The following CDH9 variants were observed in gnomAD, a reference collection of about 807,000 sequenced individuals.
CDH9 encodes the protein cadherin-9.
Under a neutral mutation model 70.9 loss-of-function variants are expected in CDH9, and 28 were observed. The ratio of observed to expected loss-of-function variants is 0.40; its 90% CI spans 0.29 to 0.54. The LOEUF (loss-of-function observed/expected upper bound fraction) is 0.54. Among genes scored for constraint, CDH9 ranks in the 20% least tolerant of loss-of-function variants. The pLI is 0.59. For synonymous variants in CDH9, 409 were observed against 343.1 expected (o/e 1.19, Z -2.12); for missense variants, 874 against 984.4 (o/e 0.89, Z 1.50).
At chr5:26,924,917 T>C (rs1579454320) in intron 2 of CDH9, among the ~76,000 whole-genome samples, 1 of 152,144 alleles carries the variant, frequency 6.6e-6, no homozygotes, top group South Asian at 2.1e-4. Context: ...TTCCATGGTG[T>C]ATATGTGTCA....
intron 7 of CDH9, among the ~76,000 whole-genome samples, chr5:26,894,474 G>A (rs1740712801): frequency 6.6e-6 from 1 of 152,020 alleles, no homozygotes; most frequent in African/African-American, 2.4e-5. Flanking sequence ...AAGAATTCAT[G>A]AAGGCACTCA....
chr5:27,019,950 T>A (rs1743109356), intron 1 of CDH9, among the ~76,000 whole-genome samples: 1 of 151,872 alleles, frequency 6.6e-6, no homozygotes, highest in Non-Finnish European at 1.5e-5. Context: ...TCTGTGAAAT[T>A]AAATACATTA....
At chr5:26,983,672 G>A (rs1458124049) in intron 2 of CDH9, among the ~76,000 whole-genome samples, 7 of 152,092 alleles carry the variant, frequency 4.6e-5, no homozygotes, top group African/African-American at 1.7e-4. Context: ...ATCAAAAGCA[G>A]CTGCTCCATG....
intron 11 of CDH9, among the ~76,000 whole-genome samples, chr5:26,885,314 C>A (rs1740544831): frequency 6.6e-6 from 1 of 152,026 alleles, no homozygotes; most frequent in Admixed American, 6.6e-5. Context: ...TCAATGAAAT[C>A]AAATGTCCTT....
At chr5:27,016,697 T>C (rs1264341275) in intron 1 of CDH9, among the ~76,000 whole-genome samples, 4 of 151,850 alleles carry the variant, frequency 2.6e-5, no homozygotes, top group African/African-American at 9.7e-5. Context: ...ATTTCTGTTA[T>C]TTTTAGCCAT....
chr5:26,896,073 C>T (rs545202159), intron 7 of CDH9, among the ~76,000 whole-genome samples: 13 of 152,056 alleles, frequency 8.5e-5, no homozygotes, highest in African/African-American at 1.2e-4. Context: ...AGATTAATTT[C>T]GCTCAATATT....
chr5:26,909,785 A>G (rs1741016675), intron 3 of CDH9, among the ~76,000 whole-genome samples: 1 of 151,990 alleles, frequency 6.6e-6, no homozygotes. Context: ...ACTTAACTGT[A>G]TAACTAATAA....
At chr5:26,957,577 G>A (rs1344313691) in intron 2 of CDH9, among the ~76,000 whole-genome samples, 1 of 152,016 alleles carries the variant, frequency 6.6e-6, no homozygotes, top group Non-Finnish European at 1.5e-5. Context: ...AAGGAGAATT[G>A]CTTGAACTTG....
chr5:26,934,987 C>T (rs1335435596), intron 2 of CDH9, among the ~76,000 whole-genome samples: 2 of 149,148 alleles, frequency 1.3e-5, no homozygotes, highest in Non-Finnish European at 3.0e-5. Context: ...TAAAAATTAT[C>T]AAAATAAATT....
Position 27,003,849 on chromosome 5 carries a change from C to T in CDH9, c.-49-15467G>A, listed in dbSNP as rs372001971. On this transcript the variant is annotated intron_variant, in intron 1 of 11. Coordinates refer to ENST00000231021, the MANE Select transcript of CDH9 (RefSeq NM_016279.4). ...TATAAATTAAGGAAATCTGAATAAA[C>T]TATAAAGTTTAAATATAAAATATAT... is the stretch of plus-strand genomic sequence containing the variant. Among the ~76,000 whole-genome samples the T allele has an allele frequency of 3.6e-4, 54 of 151,942 alleles. No homozygotes were observed. The South Asian group carries it at 0.011, about 32-fold the overall frequency.
chr5:27,036,188 T>C (rs1386833686), intron 1 of CDH9, among the ~76,000 whole-genome samples: 1 of 151,872 alleles, frequency 6.6e-6, no homozygotes, highest in Non-Finnish European at 1.5e-5. Context: ...GCCAGTAGAA[T>C]AAAAACAATC....
chr5:26,935,268 G>A (rs914509933), intron 2 of CDH9, among the ~76,000 whole-genome samples: 6 of 152,136 alleles, frequency 3.9e-5, no homozygotes, highest in African/African-American at 1.4e-4. Context: ...ACAAAAATTT[G>A]TACAGCCAAT....
At chr5:26,899,814 T>A (rs1740820571) in intron 7 of CDH9, among the ~76,000 whole-genome samples, 1 of 151,398 alleles carries the variant, frequency 6.6e-6, no homozygotes, top group African/African-American at 2.4e-5. Flanking sequence ...CACGTGTATA[T>A]CTATGTAACA....
chr5:26,950,479 A>T (rs1329267237), intron 2 of CDH9, among the ~76,000 whole-genome samples: 2 of 152,234 alleles, frequency 1.3e-5, no homozygotes, highest in African/African-American at 4.8e-5. Context: ...ACCACTTGCT[A>T]AAATGCCTCT....
chr5:26,889,239 A>G (rs905812681), intron 9 of CDH9, among the ~76,000 whole-genome samples: 1 of 152,110 alleles, frequency 6.6e-6, no homozygotes, highest in Non-Finnish European at 1.5e-5. Context: ...TTTTTTTGTC[A>G]AAAATGAGCA....
At chr5:26,903,059 T>A (rs1216198859) in intron 6 of CDH9, 2 of 206,970 alleles carry the variant, frequency 9.7e-6, no homozygotes, top group Non-Finnish European at 1.9e-5. Flanking sequence ...GCAGTTATAA[T>A]CAGAAGAAAA....
At chr5:27,020,032 T>A (rs913485653) in intron 1 of CDH9, among the ~76,000 whole-genome samples, 3 of 151,868 alleles carry the variant, frequency 2.0e-5, no homozygotes, top group Non-Finnish European at 4.4e-5. Flanking sequence ...TATTAACTTA[T>A]ATTCTTTGTT....
At chr5:26,987,645 A>C (rs533429314) in intron 2 of CDH9, among the ~76,000 whole-genome samples, 1 of 152,130 alleles carries the variant, frequency 6.6e-6, no homozygotes, top group African/African-American at 2.4e-5. Flanking sequence ...TCATTTTTTT[A>C]AATCTTGTCT....
chr5:26,897,607 A>T (rs2111981663), intron 7 of CDH9, among the ~76,000 whole-genome samples: 1 of 152,330 alleles, frequency 6.6e-6, no homozygotes, highest in South Asian at 2.1e-4. Context: ...GGCCTTCAAT[A>T]AACTTCAACA....
Sources: allele counts gnomAD v4.1 joint callset (sites outside exome capture counted in the v4.1 genomes callset), GRCh38; gene constraint gnomAD v4.1.1; transcripts MANE v1.5; gene names NCBI Gene and HGNC (gene_info 2026-07-23, HGNC 2026-07-21).